Variants in CCSER1 observed in about 807,000 individuals in gnomAD.
CCSER1 encodes serine-rich coiled-coil domain-containing protein 1.
Under a neutral mutation model 82.0 loss-of-function variants are expected in CCSER1, and 41 were observed. The ratio of observed to expected loss-of-function variants is 0.50; its 90% CI spans 0.39 to 0.65. CCSER1 has a LOEUF of 0.65. CCSER1 is among the 30% of genes least tolerant of loss of function. The pLI is 0.00. For missense variants in CCSER1, 1,119 were observed against 1,064.2 expected (o/e 1.05, Z -0.72); for synonymous variants, 414 against 383.9 (o/e 1.08, Z -0.92).
chr4:90,541,416 C>T (rs1776092783), intron 5 of CCSER1, among the ~76,000 whole-genome samples: 1 of 152,014 alleles, frequency 6.6e-6, no homozygotes, highest in Non-Finnish European at 1.5e-5. Context: ...ATGTGGAGAG[C>T]CCCGATTTAG....
intron 10 of CCSER1, among the ~76,000 whole-genome samples, chr4:91,165,995 A>G (rs981464442): frequency 5.3e-5 from 8 of 152,326 alleles, no homozygotes; most frequent in East Asian, 3.9e-4. Flanking sequence ...AAATGCAGAA[A>G]TCACCGTTTT....
At chr4:91,142,872 GTTAC>G (rs1425666158) in intron 10 of CCSER1, among the ~76,000 whole-genome samples, 2 of 151,966 alleles carry the variant, frequency 1.3e-5, no homozygotes, top group African/African-American at 4.8e-5. Flanking sequence ...TGCTATTTTG[GTTAC>G]TGTAACTTTG....
At chr4:91,506,667 T>G (rs1759506793) in intron 10 of CCSER1, among the ~76,000 whole-genome samples, 1 of 152,174 alleles carries the variant, frequency 6.6e-6, no homozygotes, top group South Asian at 2.1e-4. Context: ...AAAATATTCT[T>G]TATTGAGAAG....
chr4:90,732,219 CATGT>C (rs1408151676), intron 7 of CCSER1, among the ~76,000 whole-genome samples: 2 of 152,126 alleles, frequency 1.3e-5, no homozygotes, highest in Non-Finnish European at 2.9e-5. Flanking sequence ...GAAAGGGAAA[CATGT>C]CAGTCTAATT....
chr4:90,704,470 A>G (rs1000809939), intron 6 of CCSER1, among the ~76,000 whole-genome samples: 2 of 152,058 alleles, frequency 1.3e-5, no homozygotes, highest in African/African-American at 4.8e-5. Context: ...GCTCTTCTCG[A>G]GGAGTATCTT....
intron 3 of CCSER1, among the ~76,000 whole-genome samples, chr4:90,351,772 GTTTTTTGTCTAC>G (rs1743491840): frequency 6.6e-6 from 1 of 152,038 alleles, no homozygotes; most frequent in Admixed American, 6.5e-5. Context: ...AAAATTTTTT[GTTTTTTGTCTAC>G]TTTTTTGTCT....
At chr4:90,146,299 A>G (rs919036784) in intron 1 of CCSER1, among the ~76,000 whole-genome samples, 6 of 152,140 alleles carry the variant, frequency 3.9e-5, no homozygotes, top group Middle Eastern at 3.2e-3. Flanking sequence ...TTTAATATGT[A>G]AAGTCTCTTT....
At chr4:91,020,519 G>T (rs1283699252) in intron 9 of CCSER1, among the ~76,000 whole-genome samples, 1 of 152,028 alleles carries the variant, frequency 6.6e-6, no homozygotes, top group Non-Finnish European at 1.5e-5. Flanking sequence ...AAAATTAGCC[G>T]GGTGTGGTGG....
At chr4:90,224,087 A>G (rs1742678292) in intron 1 of CCSER1, among the ~76,000 whole-genome samples, 1 of 152,194 alleles carries the variant, frequency 6.6e-6, no homozygotes, top group African/African-American at 2.4e-5. Flanking sequence ...ATGTGTTAGT[A>G]AGAGATAGGT....
chr4:91,277,749 T>C (rs1424888541), intron 10 of CCSER1, among the ~76,000 whole-genome samples: 1 of 151,876 alleles, frequency 6.6e-6, no homozygotes, highest in Non-Finnish European at 1.5e-5. Context: ...TGTTCTTGCT[T>C]TTCTAATTTC....
chr4:91,052,767 C>G (rs1280395375), intron 9 of CCSER1, among the ~76,000 whole-genome samples: 4 of 151,892 alleles, frequency 2.6e-5, no homozygotes, highest in Admixed American at 2.6e-4. Flanking sequence ...GAACATATAC[C>G]ATATTTTGAT....
intron 4 of CCSER1, among the ~76,000 whole-genome samples, chr4:90,419,353 C>T (rs890574911): frequency 2.6e-5 from 4 of 151,852 alleles, no homozygotes; most frequent in African/African-American, 7.2e-5. Flanking sequence ...TTGTATTCAG[C>T]TTTATAGTTT....
chr4:90,400,153 T>C (rs1267884831), intron 4 of CCSER1, 24 bp downstream of exon 4: 2 of 1,314,028 alleles, frequency 1.5e-6, no homozygotes, highest in South Asian at 1.2e-5. Context: ...AGATGAATAA[T>C]ATCATACAAC....
chr4:90,934,941 C>T (rs1008264886), intron 9 of CCSER1, among the ~76,000 whole-genome samples: 5 of 151,854 alleles, frequency 3.3e-5, no homozygotes, highest in East Asian at 1.9e-4. Flanking sequence ...CACACACACA[C>T]GCACACACAC....
In CCSER1 at chr4:90,308,651, C is replaced by T. The variant is rs1280413513; in HGVS notation, c.367C>T (p.Arg123Ter). Residue 123 changes from arginine (R) to a stop codon, truncating the protein, a stop_gained, in exon 2 of 11, where the codon CGA (arginine) becomes TGA (stop). Transcript: ENST00000509176. LOFTEE classifies it high-confidence loss of function. ...GRHSVGFSSS[R>*]NKKITRSLTE... ...ACATTCTGTTGGTTTTAGTAGTTCA[C>T]GAAATAAGAAGATAACAAGATCTTT... 5.0e-6 allele frequency: 8 copies of T among 1,613,316 alleles called. No individual in the cohort carries two copies. The highest frequency in any genetic ancestry group is 5.9e-6 in the Non-Finnish European group (7 of 1,179,758).
chr4:90,737,052 A>G (rs756020376), intron 7 of CCSER1, among the ~76,000 whole-genome samples: 24 of 152,102 alleles, frequency 1.6e-4, no homozygotes, highest in Non-Finnish European at 1.3e-4. Context: ...GTTTGCATTT[A>G]TATCTTATAC....
chr4:91,474,119 C>A (rs1440597565), intron 10 of CCSER1, among the ~76,000 whole-genome samples: 1 of 151,946 alleles, frequency 6.6e-6, no homozygotes, highest in Non-Finnish European at 1.5e-5. Flanking sequence ...CTAGCCTCAT[C>A]AAAATTTTGG....
At position 90,933,002 on chromosome 4, in the gene CCSER1, A is replaced by AAG. The variant is rs1332083682; in HGVS notation, c.2172+9557_2172+9558dup. On this transcript the variant is annotated intron_variant, in intron 9 of 10. Transcript: ENST00000509176. Reference sequence around the variant, plus strand: ...AGAAAGAGAAAGAAAGAAAGAAAGAAAGAAAGAAAGAAAGAAAGAAAGAAA... The same window carrying AAG: ...AGAAAGAGAAAGAAAGAAAGAAAGAAAGAGAAAGAAAGAAAGAAAGAAAGAAA... Among the ~76,000 whole-genome samples the AAG allele has an allele frequency of 1.1e-3, 84 of 78,368 alleles. 15 individuals are homozygous for AAG. The highest frequency in any genetic ancestry group is 6.6e-3 in the African/African-American group (71 of 10,824). 51.4% of individuals were successfully genotyped at this position (78,368 alleles called of 152,430 possible).
chr4:90,810,198 G>C (rs6849905), intron 7 of CCSER1, among the ~76,000 whole-genome samples: 51,713 of 151,960 alleles, frequency 0.34, 9,013 homozygotes, highest in East Asian at 0.42. Flanking sequence ...CTGGGCTCAA[G>C]CTATCCTCCT....
Sources: gnomAD v4.1 joint callset for allele counts (sites outside exome capture counted in the v4.1 genomes callset) on GRCh38, gnomAD v4.1.1 for gene constraint, MANE v1.5 for transcripts, NCBI Gene and HGNC (gene_info 2026-07-23, HGNC 2026-07-21) for gene names.